The following AGAP1 variants were observed in gnomAD, a reference collection of about 807,000 sequenced individuals.
The protein encoded by AGAP1 is arf-GAP with GTPase, ANK repeat and PH domain-containing protein 1.
AGAP1 carries 29 observed loss-of-function variants against 105.3 expected under a neutral mutation model. That is an observed-to-expected ratio of 0.28 (90% CI 0.21 to 0.38). AGAP1 has a LOEUF of 0.38. Ranked by LOEUF, AGAP1 falls within the 10% of genes least tolerant of loss-of-function variation. The pLI, the probability that AGAP1 is intolerant of heterozygous loss-of-function variation, is 1.00. For missense variants in AGAP1, 998 were observed against 1,165.1 expected, an observed-to-expected ratio of 0.86 and a Z score of 2.09; for synonymous variants, 509 against 485.9, an observed-to-expected ratio of 1.05 and a Z score of -0.63.
chr2:235,821,602 G>T lies in AGAP1; in HGVS notation c.1050+14271G>T, dbSNP rs185617169. Among the ~76,000 whole-genome samples the T allele has an allele frequency of 3.5e-4, 53 of 152,190 alleles. No homozygotes were observed. The East Asian group carries it at 8.9e-3, about 26-fold the overall frequency. On this transcript the variant is annotated intron_variant, in intron 9 of 17. Transcript: ENST00000304032. ...AGAAATTTGCAAAAAATAATACAAA[G>T]ACTCCATATACCCTTCACCCAGCTT...
intron 12 of AGAP1, among the ~76,000 whole-genome samples, chr2:235,937,932 C>T (rs1409244856): frequency 6.6e-6 from 1 of 152,252 alleles, no homozygotes; most frequent in Admixed American, 6.5e-5. Context: ...TCCTTGGCCC[C>T]TTCCAGCTGC....
intron 1 of AGAP1, chr2:235,670,463 G>A: frequency 1.9e-6 from 1 of 528,642 alleles, no homozygotes; most frequent in South Asian, 2.2e-5. Context: ...GGACCTGGCC[G>A]GCAGCGCCCC....
intron 1 of AGAP1, among the ~76,000 whole-genome samples, chr2:235,654,162 C>T (rs1947700745): frequency 6.6e-6 from 1 of 152,178 alleles, no homozygotes; most frequent in South Asian, 2.1e-4. Context: ...CCTTTAGGTT[C>T]ATTCGTTGCT....
At chr2:235,771,157 T>C (rs547678518) in intron 6 of AGAP1, among the ~76,000 whole-genome samples, 1 of 152,332 alleles carries the variant, frequency 6.6e-6, no homozygotes, top group South Asian at 2.1e-4. Context: ...AGCCAAGTGA[T>C]GGCGATTTTG....
intron 1 of AGAP1, among the ~76,000 whole-genome samples, chr2:235,503,237 T>G (rs1004680729): frequency 1.5e-4 from 23 of 152,348 alleles, no homozygotes; most frequent in Non-Finnish European, 2.8e-4. Flanking sequence ...TCCATCCTGT[T>G]TGTGCGTTGA....
chr2:235,613,791 G>A (rs1329487683), intron 1 of AGAP1, among the ~76,000 whole-genome samples: 2 of 152,162 alleles, frequency 1.3e-5, no homozygotes, highest in African/African-American at 4.8e-5. Flanking sequence ...TGCCTAATTG[G>A]CGCGGGCCTC....
intron 6 of AGAP1, among the ~76,000 whole-genome samples, chr2:235,762,359 A>T (rs940332543): frequency 6.6e-6 from 1 of 152,142 alleles, no homozygotes; most frequent in African/African-American, 2.4e-5. Context: ...GAGCCTGGCC[A>T]GACACTGGCT....
intron 10 of AGAP1, among the ~76,000 whole-genome samples, chr2:235,902,736 G>C (rs1336236512): frequency 6.6e-6 from 1 of 152,170 alleles, no homozygotes; most frequent in Non-Finnish European, 1.5e-5. Flanking sequence ...GGTTCAGCTT[G>C]CAACTCCAAC....
At chr2:236,065,345 G>T (rs2058318096) in intron 16 of AGAP1, among the ~76,000 whole-genome samples, 1 of 152,230 alleles carries the variant, frequency 6.6e-6, no homozygotes, top group African/African-American at 2.4e-5. Context: ...GTTGCTGCCT[G>T]CTTGTGACTC....
Position 235,962,948 on chromosome 2 carries a change from G to A in AGAP1, c.1484-5514G>A, listed in dbSNP as rs1317679811. Among the ~76,000 whole-genome samples the A allele has an allele frequency of 2.0e-5, 3 of 152,156 alleles. No individual in the cohort carries two copies. The highest frequency in any genetic ancestry group is 7.2e-5 in the African/African-American group (3 of 41,420). On this transcript the variant is annotated intron_variant, in intron 12 of 17. Transcript: ENST00000304032. The surrounding 1 kb of genome is among the most constrained non-coding windows in gnomAD (Gnocchi z 5.3). ...CAGCCATTGCCAGAGGTCCTGGGTGGGGGTTCCTGGAGAACCGGTGGATCT... is the reference window on the plus strand; with the variant it reads ...CAGCCATTGCCAGAGGTCCTGGGTGAGGGTTCCTGGAGAACCGGTGGATCT...
rs144302537 is a variant in AGAP1, at chr2:235,880,168, C to T, written c.1051-3177C>T. Among the ~76,000 whole-genome samples the T allele has an allele frequency of 3.3e-3, 507 of 151,624 alleles. 6 individuals are homozygous for T. The highest frequency in any genetic ancestry group is 2.9e-3 in the Non-Finnish European group (199 of 67,946). On this transcript the variant is annotated intron_variant, in intron 9 of 17. Transcript: ENST00000304032. The stretch of plus-strand genomic sequence containing the variant: ...TAAAATGATGTCTTCACATGCCTCC[C>T]GATTAGACTGTTTCCCCCTTTTTCC...
At chr2:235,814,761 C>G (rs1958355834) in intron 9 of AGAP1, among the ~76,000 whole-genome samples, 1 of 152,114 alleles carries the variant, frequency 6.6e-6, no homozygotes, top group South Asian at 2.1e-4. Flanking sequence ...GGTGGCAGAA[C>G]AGGAGGGAGG....
Position 235,553,169 on chromosome 2 carries a change from T to C in AGAP1, c.163+58320T>C, listed in dbSNP as rs1283894004. Among the ~76,000 whole-genome samples the C allele has an allele frequency of 3.9e-5, 6 of 152,104 alleles. No homozygotes were observed. The highest frequency in any genetic ancestry group is 1.4e-4 in the African/African-American group (6 of 41,406). ...GTTGGTGGGAGAAACAGCAGGTATA[T>C]TTGAAAACCAAGAAGATGGTGAACT... On this transcript the variant is annotated intron_variant, in intron 1 of 17. Transcript: ENST00000304032. This position sits in a 1 kb window ranked among gnomAD's most constrained non-coding sequence, Gnocchi z 4.5.
At position 236,120,330 on chromosome 2, in the gene AGAP1, G is replaced by C; in HGVS notation, c.2253G>C (p.Leu751=). ...AGGACCTGCGGACGGCCATCCTGCT[G>C]CTGGCACACGGCTCCCGGGACGAGG... ...ADEDLRTAIL[L]LAHGSRDEVN... Residue 751 remains leucine (L), a synonymous_variant, in exon 17 of 18, where the codon CTG becomes CTC. Transcript: ENST00000304032. The surrounding 1 kb of genome is among the most constrained non-coding windows in gnomAD (Gnocchi z 6.0). The C allele has an allele frequency of 6.2e-7, 1 of 1,612,346 alleles. No individual in the cohort carries two copies. Among genetic ancestry groups the C allele is most frequent in the Non-Finnish European group, 8.5e-7 (1 of 1,179,686 alleles).
chr2:236,043,738 T>TGG lies in AGAP1; in HGVS notation c.1891+2904_1891+2905dup, dbSNP rs564365759. On this transcript the variant is annotated intron_variant, in intron 15 of 17. Transcript: ENST00000304032. ...TTCGTCTCAAGGGAAAAAAAAAAAG[T>TGG]GGGGGGGGTGCTTAATTGAGATAAA... 8.3e-3 allele frequency among the ~76,000 whole-genome samples: 1,089 copies of TGG among 131,798 alleles called. 25 individuals carry two copies. Among genetic ancestry groups the TGG allele is most frequent in the East Asian group, 0.064 (252 of 3,964 alleles). The allele number at this position is 131,798 out of a possible 152,430, so 86.5% of individuals were successfully genotyped here.
At chr2:235,513,813 C>G (rs970914163) in intron 1 of AGAP1, among the ~76,000 whole-genome samples, 1 of 152,088 alleles carries the variant, frequency 6.6e-6, no homozygotes, top group African/African-American at 2.4e-5. Flanking sequence ...TTGATGGGGT[C>G]TAGAAGCATT....
rs1339976383 is a variant in AGAP1, at chr2:235,555,993, C to T, written c.163+61144C>T. 6.6e-6 allele frequency among the ~76,000 whole-genome samples: 1 copy of T among 152,182 alleles called. No individual in the cohort carries two copies. Among genetic ancestry groups the T allele is most frequent in the African/African-American group, 2.4e-5 (1 of 41,446 alleles). On this transcript the variant is annotated intron_variant, in intron 1 of 17. Transcript: ENST00000304032. The surrounding 1 kb of genome is among the most constrained non-coding windows in gnomAD (Gnocchi z 5.1). ...AAACAAAGCGATGTAGACCTATCTG[C>T]TGTGTCCTTGTGTTTCTGCCTGTGG...
chr2:235,899,381 C>A (rs923707781), intron 10 of AGAP1, among the ~76,000 whole-genome samples: 1 of 152,258 alleles, frequency 6.6e-6, no homozygotes, highest in East Asian at 1.9e-4. Context: ...GGCATGGTTG[C>A]AGGCGCCTGT....
chr2:235,765,850 C>A (rs1206777079), intron 6 of AGAP1, among the ~76,000 whole-genome samples: 4 of 152,176 alleles, frequency 2.6e-5, no homozygotes, highest in Non-Finnish European at 1.5e-5. Flanking sequence ...ATGCCCGCAC[C>A]AAGATTTCAT....
Sources: allele counts gnomAD v4.1 joint callset (sites outside exome capture counted in the v4.1 genomes callset), GRCh38; gene constraint gnomAD v4.1.1; non-coding constraint Gnocchi (gnomAD v3.1); transcripts MANE v1.5; gene names NCBI Gene and HGNC (gene_info 2026-07-23, HGNC 2026-07-21).